The following PTPRC variants were observed in gnomAD, a reference collection of about 807,000 sequenced individuals.
PTPRC encodes the protein receptor-type tyrosine-protein phosphatase C.
In PTPRC, 44 loss-of-function variants were observed where a neutral mutation model predicts 155.9. That is an observed-to-expected ratio of 0.28 (90% CI 0.22 to 0.36). The LOEUF (loss-of-function observed/expected upper bound fraction) is 0.36, where lower values mean the gene tolerates loss of function less well. Ranked by LOEUF, PTPRC falls within the 10% of genes least tolerant of loss-of-function variation. The probability of loss-of-function intolerance (pLI) is 1.00; values close to 1 mark genes in which losing one functional copy is unlikely to be tolerated. For missense variants in PTPRC, 1,401 were observed against 1,564.6 expected (o/e 0.90, Z 1.76); for synonymous variants, 525 against 533.1 (o/e 0.98, Z 0.21).
chr1:198,704,488 G>A lies in PTPRC; in HGVS notation c.675G>A (p.Lys225=), dbSNP rs934158784. 6.2e-6 allele frequency: 10 copies of A among 1,613,802 alleles called. No homozygotes were observed. Among genetic ancestry groups the A allele is most frequent in the African/African-American group, 1.3e-5 (1 of 74,870 alleles). The change falls in exon 8 of 33, where the codon AAG becomes AAA. Residue 225 remains lysine, a synonymous_variant. Transcript: ENST00000442510. ...STTTIATTPS[K]PTCDEKYANI... ...CCATTACAGCTACTACTCCATCTAA[G>A]CCAACATGTGGTAAGTTTATTTACT...
intron 2 of PTPRC, chr1:198,679,783 A>G: frequency 2.1e-6 from 1 of 482,008 alleles, no homozygotes; most frequent in Non-Finnish European, 3.8e-6. Flanking sequence ...GTTGACCACC[A>G]GGAAATGACG....
intron 2 of PTPRC, among the ~76,000 whole-genome samples, chr1:198,680,300 A>C (rs1665239987): frequency 6.6e-6 from 1 of 152,128 alleles, no homozygotes; most frequent in Admixed American, 6.5e-5. Context: ...TGAAAATACA[A>C]ATATTAGCCG....
In PTPRC at chr1:198,749,511, G is replaced by C. The variant is rs1287644160; in HGVS notation, c.3034G>C (p.Glu1012Gln). 6.2e-7 allele frequency: 1 copy of C among 1,611,018 alleles called. No homozygotes were observed. ...DESSDDDSDSEEPSKYINASF... is the reference protein window; with the variant it reads ...DESSDDDSDSQEPSKYINASF... ...ATCCTCTGATGATGACAGTGATTCAGAGGAACCAAGCAAATACATCAATGC... is the reference window on the plus strand; with the variant it reads ...ATCCTCTGATGATGACAGTGATTCACAGGAACCAAGCAAATACATCAATGC... Residue 1012 changes from glutamate (E) to glutamine (Q), a missense_variant, in exon 28 of 33, where the codon GAG becomes CAG. Transcript: ENST00000442510.
chr1:198,654,773 C>T (rs1403032508), intron 2 of PTPRC, among the ~76,000 whole-genome samples: 1 of 151,514 alleles, frequency 6.6e-6, no homozygotes, highest in East Asian at 1.9e-4. Flanking sequence ...ATATGTATAA[C>T]CATAATATCT....
chr1:198,723,473 T>A (rs1174085757), intron 15 of PTPRC, among the ~76,000 whole-genome samples: 1 of 152,212 alleles, frequency 6.6e-6, no homozygotes, highest in East Asian at 1.9e-4. Flanking sequence ...TCTGCTCAGA[T>A]TTATGAAATA....
At chr1:198,679,810 G>A in intron 2 of PTPRC, 1 of 551,628 alleles carries the variant, frequency 1.8e-6, no homozygotes, top group East Asian at 3.1e-5. Flanking sequence ...AGTGTATTGG[G>A]GCTTCTTCCT....
intron 8 of PTPRC, among the ~76,000 whole-genome samples, 193 bp from the exon 9 acceptor site, chr1:198,706,541 C>T (rs751750202): frequency 6.6e-5 from 10 of 152,122 alleles, no homozygotes; most frequent in Non-Finnish European, 1.3e-4. Context: ...TATAAATTTA[C>T]AAGCTGAGGT....
At chr1:198,670,154 T>G (rs956166784) in intron 2 of PTPRC, among the ~76,000 whole-genome samples, 1 of 152,160 alleles carries the variant, frequency 6.6e-6, no homozygotes, top group Non-Finnish European at 1.5e-5. Flanking sequence ...AACATAGACC[T>G]GGTATAGCTT....
chr1:198,722,477 G>T lies in PTPRC; in HGVS notation c.1720+1G>T. 1 of 1,450,060 alleles carries T rather than the reference G, an allele frequency of 6.9e-7. No individual in the cohort carries two copies. 89.8% of individuals were successfully genotyped at this position (1,450,060 alleles called of 1,614,324 possible). ...TTTATTTTACATCATTCAACATCTT[G>T]TAAGTTATCACTGGGCTATTTATTA... On this transcript the variant is annotated splice_donor_variant, in intron 15 of 32. Coordinates refer to ENST00000442510, the MANE Select transcript of PTPRC (RefSeq NM_002838.5). LOFTEE classifies it high-confidence loss of function.
chr1:198,733,180 T>C (rs1341955329), intron 20 of PTPRC, among the ~76,000 whole-genome samples: 2 of 151,796 alleles, frequency 1.3e-5, no homozygotes, highest in Non-Finnish European at 2.9e-5. Context: ...TTTTAAACAG[T>C]ATAAAAATAT....
At chr1:198,724,870 C>T (rs140222133) in intron 15 of PTPRC, among the ~76,000 whole-genome samples, 2,595 of 152,160 alleles carry the variant, frequency 0.017, 34 homozygotes, top group Non-Finnish European at 0.026. Context: ...GGCATAATCT[C>T]GGCTCACTGC....
At chr1:198,655,905 C>T (rs961433783) in intron 2 of PTPRC, among the ~76,000 whole-genome samples, 5 of 152,056 alleles carry the variant, frequency 3.3e-5, no homozygotes, top group African/African-American at 1.2e-4. Context: ...CTTTATGGCT[C>T]CCAGCAGTAA....
intron 11 of PTPRC, among the ~76,000 whole-genome samples, chr1:198,711,997 T>C (rs1653335309): frequency 6.6e-6 from 1 of 152,192 alleles, no homozygotes; most frequent in Admixed American, 6.5e-5. Context: ...TGTGCAGCCA[T>C]GACCCAGGAA....
At chr1:198,730,546 G>C (rs1373728236) in intron 17 of PTPRC, among the ~76,000 whole-genome samples, 1 of 152,104 alleles carries the variant, frequency 6.6e-6, no homozygotes, top group African/African-American at 2.4e-5. Context: ...GATAGGCTGA[G>C]GGAGGAATGA....
intron 11 of PTPRC, 122 bp downstream of exon 11, chr1:198,709,946 T>G: frequency 2.2e-6 from 3 of 1,340,302 alleles, no homozygotes; most frequent in Non-Finnish European, 3.1e-6. Context: ...AAGCATATGC[T>G]TTTTATTTCA....
In PTPRC at chr1:198,718,243, C is replaced by T. The variant is rs756498746; in HGVS notation, c.1600C>T (p.His534Tyr). ...AAATACTCTGGTTAGAAATGAGTCG[C>T]ATAAGAATTGCGATTTCCGTGTAAA... is the stretch of plus-strand genomic sequence containing the variant. ...AGNTLVRNES[H>Y]KNCDFRVKDL... is the part of the protein sequence containing the mutation. The change falls in exon 14 of 33, where the codon CAT (histidine) becomes TAT (tyrosine). Residue 534 changes from histidine (H) to tyrosine (Y), a missense_variant. By Grantham distance (83) the His-to-Tyr change is moderately conservative (BLOSUM62 2). Around this residue, in one of 3 missense-constraint regions of PTPRC, gnomAD observed 867 missense variants for 970.4 expected, o/e 0.89. Transcript: ENST00000442510. 1 of 1,614,048 alleles carries T rather than the reference C, an allele frequency of 6.2e-7. No homozygotes were observed. Among genetic ancestry groups the T allele is most frequent in the Admixed American group, 1.7e-5 (1 of 60,018 alleles).
intron 2 of PTPRC, among the ~76,000 whole-genome samples, chr1:198,689,028 C>T (rs1379271353): frequency 6.6e-6 from 1 of 152,110 alleles, no homozygotes; most frequent in East Asian, 1.9e-4. Flanking sequence ...CCAGTAAACA[C>T]TCAATAAATA....
At chr1:198,724,676 T>TTCTC (rs59471727) in intron 15 of PTPRC, among the ~76,000 whole-genome samples, 167 of 148,662 alleles carry the variant, frequency 1.1e-3, no homozygotes, top group Non-Finnish European at 1.6e-3. Context: ...TCCATCCTGA[T>TTCTC]TCTCTCTCTC....
At chr1:198,707,550 T>A (rs1253051264) in intron 9 of PTPRC, among the ~76,000 whole-genome samples, 2 of 152,122 alleles carry the variant, frequency 1.3e-5, no homozygotes, top group Admixed American at 6.5e-5. Flanking sequence ...TTTTAAAAAG[T>A]CATATCATTT....
Sources: allele counts gnomAD v4.1 joint callset (sites outside exome capture counted in the v4.1 genomes callset), GRCh38; gene constraint gnomAD v4.1.1; regional missense constraint gnomAD v4.1.1; transcripts MANE v1.5; gene names NCBI Gene and HGNC (gene_info 2026-07-23, HGNC 2026-07-21).